The following USP28 variants were observed in gnomAD, a reference collection of about 807,000 sequenced individuals.
USP28 encodes ubiquitin carboxyl-terminal hydrolase 28.
USP28 carries 113 observed loss-of-function variants against 145.0 expected under a neutral mutation model. The ratio of observed to expected loss-of-function variants is 0.78; its 90% CI spans 0.67 to 0.91. The LOEUF (loss-of-function observed/expected upper bound fraction) is 0.91. Among genes scored for constraint, USP28 ranks in the 40% least tolerant of loss-of-function variants. USP28 has a pLI of 0.00. For missense variants in USP28, 1,201 were observed against 1,289.6 expected, an observed-to-expected ratio of 0.93 and a Z score of 1.05; for synonymous variants, 447 against 450.9, an observed-to-expected ratio of 0.99 and a Z score of 0.11.
intron 3 of USP28, among the ~76,000 whole-genome samples, chr11:113,852,300 T>C (rs1043353413): frequency 6.6e-6 from 1 of 152,214 alleles, no homozygotes; most frequent in Non-Finnish European, 1.5e-5. Flanking sequence ...AGTGCTGGGA[T>C]TACAGGCATG....
In USP28 at chr11:113,804,656, TAAAGA is replaced by T; in HGVS notation, c.2658+12_2658+16del. 1 of 1,608,342 alleles carries T rather than the reference TAAAGA, an allele frequency of 6.2e-7. No homozygotes were observed. Among genetic ancestry groups the T allele is most frequent in the Non-Finnish European group, 8.5e-7 (1 of 1,177,706 alleles). On this transcript the variant is annotated intron_variant, in intron 21 of 24. Transcript: ENST00000003302. ...AATTAATGTTTTTGCTCTATAGACTTAAAGAAAACACTTTACCTTGTACTCTTCCA... is the reference window on the plus strand; with the variant it reads ...AATTAATGTTTTTGCTCTATAGACTTAAACACTTTACCTTGTACTCTTCCA...
chr11:113,802,433 T>C (rs369741028), intron 23 of USP28, among the ~76,000 whole-genome samples: 2 of 152,214 alleles, frequency 1.3e-5, no homozygotes, highest in East Asian at 3.9e-4. Flanking sequence ...GGTAGAAATA[T>C]TGGCCTGACT....
intron 23 of USP28, among the ~76,000 whole-genome samples, 181 bp downstream of exon 24, chr11:113,802,977 T>C (rs1462685182): frequency 6.6e-6 from 1 of 152,156 alleles, no homozygotes; most frequent in African/African-American, 2.4e-5. Context: ...TGAAGAAGAA[T>C]GACATTCACT....
intron 21 of USP28, among the ~76,000 whole-genome samples, chr11:113,804,463 T>C (rs186774232): frequency 1.8e-4 from 27 of 152,338 alleles, no homozygotes; most frequent in East Asian, 1.5e-3. Context: ...AAGTGAAATG[T>C]TGACTCACTC....
intron 9 of USP28, among the ~76,000 whole-genome samples, chr11:113,830,642 C>A (rs1307560370): frequency 6.6e-6 from 1 of 152,032 alleles, no homozygotes; most frequent in Admixed American, 6.6e-5. Flanking sequence ...ATTAATATGA[C>A]AAATCTGAGA....
chr11:113,851,325 C>T (rs763127469), intron 3 of USP28, among the ~76,000 whole-genome samples: 2 of 152,192 alleles, frequency 1.3e-5, no homozygotes, highest in African/African-American at 2.4e-5. Context: ...AAAGCTAGTA[C>T]TTAGGAAGGT....
In USP28 at chr11:113,829,202, G is replaced by A; in HGVS notation, c.1054C>T (p.Gln352Ter). ...AATAAAGATCTCCAACGTACCTCTTGTCCATACTTCACCGAGTGATCGGAG... is the reference window on the plus strand; with the variant it reads ...AATAAAGATCTCCAACGTACCTCTTATCCATACTTCACCGAGTGATCGGAG... The change falls in exon 10 of 25, where the codon CAA becomes TAA. Residue 352 changes from glutamine (Q) to a stop codon, truncating the protein, a stop_gained. Coordinates refer to ENST00000003302, the Ensembl canonical transcript of USP28. LOFTEE classifies it high-confidence loss of function. The A allele has an allele frequency of 6.2e-7, 1 of 1,613,674 alleles. No individual in the cohort carries two copies. Among genetic ancestry groups the A allele is most frequent in the Non-Finnish European group, 8.5e-7 (1 of 1,179,858 alleles).
At position 113,827,408 on chromosome 11, in the gene USP28, A is replaced by C. The variant is rs763997730; in HGVS notation, c.1060-48T>G. 3 of 1,523,592 alleles carry C rather than the reference A, an allele frequency of 2.0e-6. No individual in the cohort carries two copies. In the African/African-American group the frequency reaches 4.3e-5, roughly 22 times the overall value. The allele number at this position is 1,523,592 out of a possible 1,614,324, so 94.4% of individuals were successfully genotyped here. ...GAGAGAAAGAAAAATTAATTTTAGGAAATTACAATAACCAGATTTAAAATA... is the reference window on the plus strand; with the variant it reads ...GAGAGAAAGAAAAATTAATTTTAGGCAATTACAATAACCAGATTTAAAATA... On this transcript the variant is annotated intron_variant, in intron 10 of 24. Transcript: ENST00000003302.
chr11:113,801,409 A>AG, intron 24 of USP28, 74 bp downstream of exon 25: 1 of 1,212,520 alleles, frequency 8.2e-7, no homozygotes, highest in Non-Finnish European at 1.1e-6. Flanking sequence ...TTTGGCAACC[A>AG]GTGCTATCAA....
intron 14 of USP28, 129 bp from the exon 15 acceptor site, chr11:113,814,084 G>A: frequency 1.6e-6 from 1 of 640,940 alleles, no homozygotes; most frequent in East Asian, 2.8e-5. Flanking sequence ...GAACCACGAA[G>A]CAATATACAG....
chr11:113,812,592 T>A, intron 15 of USP28, 88 bp from the exon 16 acceptor site: 1 of 1,153,632 alleles, frequency 8.7e-7, no homozygotes, highest in Non-Finnish European at 1.2e-6. Context: ...GTTTATGATG[T>A]GATTAATGTG....
At chr11:113,830,759 G>A in intron 9 of USP28, 108 bp downstream of exon 9, 1 of 978,864 alleles carries the variant, frequency 1.0e-6, no homozygotes, top group Admixed American at 2.1e-5. Context: ...ATTCAGAGCT[G>A]AGTACTGCTG....
intron 24 of USP28, 113 bp downstream of exon 25, chr11:113,801,370 T>C (rs1938982654): frequency 1.3e-6 from 1 of 755,444 alleles, no homozygotes; most frequent in Non-Finnish European, 2.0e-6. Flanking sequence ...TTTACTTATA[T>C]GCTAGAAGGT....
At chr11:113,859,014 G>A (rs780149299) in intron 1 of USP28, among the ~76,000 whole-genome samples, 16 of 152,158 alleles carry the variant, frequency 1.1e-4, no homozygotes, top group Non-Finnish European at 1.9e-4. Context: ...TGATAATAAT[G>A]AGAACTAACA....
chr11:113,854,189 G>C (rs1223779862), intron 2 of USP28, 69 bp downstream of exon 2: 2 of 1,404,198 alleles, frequency 1.4e-6, no homozygotes, highest in African/African-American at 2.9e-5. Flanking sequence ...GAAATAGCTT[G>C]AACTGACATA....
chr11:113,810,993 C>T (rs1276541533), intron 16 of USP28, among the ~76,000 whole-genome samples: 1 of 152,160 alleles, frequency 6.6e-6, no homozygotes, highest in African/African-American at 2.4e-5. Flanking sequence ...CTTACTTACG[C>T]CACACAGTAA....
exon 12 of USP28, chr11:113,823,657 A>T (rs774349363): frequency 6.2e-7 from 1 of 1,612,154 alleles, no homozygotes; most frequent in East Asian, 2.2e-5. Flanking sequence ...TTTCGAATAC[A>T]CTCTCTCTTA....
chr11:113,798,340 A>G (rs376933563), exon 25 of USP28: 13 of 151,978 alleles, frequency 8.6e-5, no homozygotes, highest in African/African-American at 3.1e-4. Flanking sequence ...ACTTGAGCCC[A>G]GGAGACAGAG....
rs1206426823 is a variant in USP28 at position 113,852,586 on chromosome 11, C to T, written c.183G>A (p.Glu61=). 1.9e-6 allele frequency: 3 copies of T among 1,614,060 alleles called. No individual in the cohort carries two copies. In the African/African-American group the frequency reaches 4.0e-5, roughly 22 times the overall value. The change falls in exon 3 of 25, where the codon GAG becomes GAA. Residue 61 remains glutamate, a synonymous_variant. Coordinates refer to ENST00000003302, the Ensembl canonical transcript of USP28. Reference sequence around the variant, plus strand: ...TGTCTTGACTGGGCTCCTTAACTCTCTCATCAGTGAGAAGGCTGACTGCCT... The same window carrying T: ...TGTCTTGACTGGGCTCCTTAACTCTTTCATCAGTGAGAAGGCTGACTGCCT...
Sources: allele counts gnomAD v4.1 joint callset (sites outside exome capture counted in the v4.1 genomes callset), GRCh38; gene constraint gnomAD v4.1.1; transcripts MANE v1.5; gene names NCBI Gene and HGNC (gene_info 2026-07-23, HGNC 2026-07-21).